The following SPTBN4 variants were observed in gnomAD, a reference collection of about 807,000 sequenced individuals.
The protein encoded by SPTBN4 is spectrin beta chain, non-erythrocytic 4.
SPTBN4 carries 96 observed loss-of-function variants against 277.8 expected under a neutral mutation model. The observed-to-expected ratio is 0.35, with a 90% CI of 0.29 to 0.41. The LOEUF (loss-of-function observed/expected upper bound fraction) is 0.41. Among genes scored for constraint, SPTBN4 ranks in the 10% least tolerant of loss-of-function variants. The pLI, the probability that SPTBN4 is intolerant of heterozygous loss-of-function variation, is 1.00. For synonymous variants in SPTBN4, 1,481 were observed against 1,580.3 expected (o/e 0.94, Z 1.49); for missense variants, 3,006 against 3,595.7 (o/e 0.84, Z 4.19).
Position 40,565,443 on chromosome 19 carries a change from T to C in SPTBN4, c.5936T>C (p.Val1979Ala), listed in dbSNP as rs1267542048. Reference protein sequence around the residue: ...DKPRDVSSVEVLMNYHQGLKT... With the variant: ...DKPRDVSSVEALMNYHQGLKT... ...TGCAGGGACGTGTCATCAGTGGAGGTGCTCATGAACTACCACCAGGGCCTG... is the reference window on the plus strand; with the variant it reads ...TGCAGGGACGTGTCATCAGTGGAGGCGCTCATGAACTACCACCAGGGCCTG... Residue 1979 changes from valine to alanine, a missense_variant, in exon 28 of 36, where the codon GTG (valine) becomes GCG (alanine). Coordinates refer to ENST00000598249, the MANE Select transcript of SPTBN4 (RefSeq NM_020971.3). 1 of 1,613,542 alleles carries C rather than the reference T, an allele frequency of 6.2e-7. No individual in the cohort carries two copies. Among genetic ancestry groups the C allele is most frequent in the Non-Finnish European group, 8.5e-7 (1 of 1,179,820 alleles).
At chr19:40,521,553 A>G (rs1407437864) in intron 16 of SPTBN4, among the ~76,000 whole-genome samples, 1 of 152,120 alleles carries the variant, frequency 6.6e-6, no homozygotes, top group Non-Finnish European at 1.5e-5. Context: ...TGCGCAGTTC[A>G]CAATAGGGTT....
intron 1 of SPTBN4, among the ~76,000 whole-genome samples, chr19:40,470,605 C>T (rs541025252): frequency 4.6e-5 from 7 of 151,450 alleles, no homozygotes; most frequent in African/African-American, 1.7e-4. Context: ...CTGTGCCTGC[C>T]CCCTCCACTT....
chr19:40,535,155 A>C lies in SPTBN4; in HGVS notation c.4359+812A>C, dbSNP rs186419616. On this transcript the variant is annotated intron_variant, in intron 20 of 35. Transcript: ENST00000598249. ...ATTGCAGCCTCAAACTCTTGGGCTCAAGTGATTCTCCCACTTCAGCCTTCC... is the reference window on the plus strand; with the variant it reads ...ATTGCAGCCTCAAACTCTTGGGCTCCAGTGATTCTCCCACTTCAGCCTTCC... Among the ~76,000 whole-genome samples the C allele has an allele frequency of 1.5e-3, 235 of 152,312 alleles. 2 individuals are homozygous for C. The highest frequency in any genetic ancestry group is 0.014 in the Middle Eastern group (4 of 294).
Position 40,503,830 on chromosome 19 carries a change from G to A in SPTBN4, c.1363G>A (p.Asp455Asn). The change falls in exon 12 of 36, where the codon GAC becomes AAC. Residue 455 changes from aspartate (D) to asparagine (N), a missense_variant and splice_region_variant. This residue lies in a region of SPTBN4 where 1,759 missense variants were observed against 2,061.5 expected (regional missense o/e 0.85). Coordinates refer to ENST00000598249, the MANE Select transcript of SPTBN4 (RefSeq NM_020971.3). ...GTGAGTGTCTGGCTCACTGCCCCAG[G>A]ACAACTTTGGGTATGAGCTGCCCGC... ...LNENQRLVSQ[D>N]NFGYELPAVE... 1.3e-6 allele frequency: 2 copies of A among 1,577,296 alleles called. No individual in the cohort carries two copies. Among genetic ancestry groups the A allele is most frequent in the Non-Finnish European group, 1.7e-6 (2 of 1,157,742 alleles).
rs75127251 is a variant in SPTBN4, at chr19:40,552,741, G to A, written c.4675-1406G>A. ...TGCTGAGATTTTGTTTTCCTGTCTT[G>A]ATGAAAATACTCTTGGCTGTCAACA... On this transcript the variant is annotated intron_variant, in intron 22 of 35. Transcript: ENST00000598249. Among the ~76,000 whole-genome samples the A allele has an allele frequency of 6.5e-3, 983 of 152,238 alleles. 12 individuals carry two copies. Among genetic ancestry groups the A allele is most frequent in the African/African-American group, 0.022 (926 of 41,538 alleles).
Position 40,560,889 on chromosome 19 carries a change from G to A in SPTBN4, c.5915+486G>A, listed in dbSNP as rs187979726. On this transcript the variant is annotated intron_variant, in intron 27 of 35. Coordinates refer to ENST00000598249, the MANE Select transcript of SPTBN4 (RefSeq NM_020971.3). The surrounding 1 kb of genome is among the most constrained non-coding windows in gnomAD (Gnocchi z 5.2). ...CATGCCACCCTGGGAGTCACATGCT[G>A]GACCCTCTGCATCCCGCTGCAGATG... The A allele has an allele frequency of 7.0e-4, 201 of 287,632 alleles. 4 individuals carry two copies. The East Asian group carries it at 0.022, about 31-fold the overall frequency. 17.8% of individuals were successfully genotyped at this position (287,632 alleles called of 1,614,324 possible).
chr19:40,543,054 T>C (rs1040575198), intron 20 of SPTBN4, among the ~76,000 whole-genome samples: 2 of 152,146 alleles, frequency 1.3e-5, no homozygotes, highest in African/African-American at 4.8e-5. Flanking sequence ...GAGTCCCTGA[T>C]GTTGGCAGGA....
intron 7 of SPTBN4, among the ~76,000 whole-genome samples, chr19:40,500,144 G>A (rs542517728): frequency 1.4e-5 from 2 of 147,622 alleles, no homozygotes; most frequent in African/African-American, 2.5e-5. Context: ...AGGAGTTCGA[G>A]GCTGCAGTGA....
Position 40,513,075 on chromosome 19 carries a change from G to T in SPTBN4, c.2286G>T (p.Ala762=), listed in dbSNP as rs1406401928. 1 of 1,412,396 alleles carries T rather than the reference G, an allele frequency of 7.1e-7. No homozygotes were observed. Among genetic ancestry groups the T allele is most frequent in the Admixed American group, 3.2e-5 (1 of 31,032 alleles). The allele number at this position is 1,412,396 out of a possible 1,614,324, so 87.5% of individuals were successfully genotyped here. A position where few individuals can be genotyped will look rare whatever the true frequency, so the allele number is the denominator to read the frequency against. The change falls in exon 14 of 36, where the codon GCG becomes GCT. Residue 762 remains alanine, a synonymous_variant. Transcript: ENST00000598249. ...GCTGGCAGAGGCTGGAAGAGGCGGC[G>T]GCGCGGCGAGAGCGGCGGCTGCAGG... ...RRRWQRLEEA[A]ARRERRLQEA... is the part of the protein sequence containing the mutation.
intron 27 of SPTBN4, among the ~76,000 whole-genome samples, chr19:40,563,454 A>G (rs1174848045): frequency 6.6e-6 from 1 of 152,140 alleles, no homozygotes; most frequent in Admixed American, 6.5e-5. Flanking sequence ...CGAGCCACAT[A>G]TATACTTTAA....
At chr19:40,544,127 C>CTTTTTTTTTT (rs10618096) in intron 20 of SPTBN4, among the ~76,000 whole-genome samples, 137 of 128,780 alleles carry the variant, frequency 1.1e-3, no homozygotes, top group East Asian at 2.2e-3. Flanking sequence ...TCTTCTTCCT[C>CTTTTTTTTTT]TTTTTTTTTT....
At chr19:40,471,611 T>C (rs1465795715) in intron 1 of SPTBN4, among the ~76,000 whole-genome samples, 1 of 152,184 alleles carries the variant, frequency 6.6e-6, no homozygotes, top group African/African-American at 2.4e-5. Context: ...ATCGCCATAT[T>C]GCCCAGTTTG....
rs769816122 is a variant in SPTBN4 at position 40,572,073 on chromosome 19, G to C, written c.7374G>C (p.Lys2458Asn). ...GTAAGGGGGAACTGGGCTTCTACAA[G>C]GACTCCAAGGGCCCGGCATCCGGGA... is the stretch of plus-strand genomic sequence containing the variant. ...VLSKGELGFY[K>N]DSKGPASGST... Residue 2458 changes from lysine (K) to asparagine (N), a missense_variant, in exon 34 of 36, where the codon AAG becomes AAC. By Grantham distance (94) the Lys-to-Asn change is moderately conservative. Transcript: ENST00000598249. 6.2e-7 allele frequency: 1 copy of C among 1,611,160 alleles called. No individual in the cohort carries two copies. The highest frequency in any genetic ancestry group is 1.1e-5 in the South Asian group (1 of 90,716).
intron 16 of SPTBN4, among the ~76,000 whole-genome samples, chr19:40,522,070 G>A (rs993681115): frequency 2.6e-5 from 4 of 151,978 alleles, no homozygotes; most frequent in Non-Finnish European, 5.9e-5. Flanking sequence ...TCTGTCACCC[G>A]GGCCAGAGTA....
At chr19:40,556,997 C>A (rs748913147) in intron 25 of SPTBN4, 26 bp from the exon 26 acceptor site, 5 of 353,100 alleles carry the variant, frequency 1.4e-5, no homozygotes, top group Non-Finnish European at 1.4e-5. Context: ...CTTTGCTGTA[C>A]CCCCCCCCCC....
intron 24 of SPTBN4, among the ~76,000 whole-genome samples, chr19:40,555,577 G>A (rs814504): frequency 0.45 from 67,729 of 150,902 alleles, 16,085 homozygotes; most frequent in African/African-American, 0.52. Flanking sequence ...TTAGGGAAGC[G>A]GAGCTTTCCC....
At chr19:40,507,669 C>T (rs1355547588) in intron 13 of SPTBN4, among the ~76,000 whole-genome samples, 2 of 152,206 alleles carry the variant, frequency 1.3e-5, no homozygotes, top group East Asian at 1.9e-4. Flanking sequence ...TCCGTCTCTT[C>T]TAAAAATACA....
In SPTBN4 at chr19:40,570,558, G is replaced by C; in HGVS notation, c.7149G>C (p.Arg2383=). The part of the protein sequence containing the change: ...RARDRPKPRR[R]PRPREGGEGG... ...GGGACCGGCCCAAGCCGCGACGGCG[G>C]CCGCGGCCCAGAGAGGGTGGTGAGG... Residue 2383 remains arginine, a synonymous_variant, in exon 33 of 36, where the codon CGG becomes CGC. Transcript: ENST00000598249. 1.5e-6 allele frequency: 2 copies of C among 1,354,872 alleles called. No homozygotes were observed. The highest frequency in any genetic ancestry group is 1.9e-6 in the Non-Finnish European group (2 of 1,056,944). 83.9% of individuals were successfully genotyped at this position (1,354,872 alleles called of 1,614,324 possible).
rs766641660 is a variant in SPTBN4, at chr19:40,550,317, A to G, written c.4664A>G (p.Lys1555Arg). The G allele has an allele frequency of 1.2e-5, 20 of 1,608,942 alleles. No individual in the cohort carries two copies. The highest frequency in any genetic ancestry group is 2.2e-5 in the South Asian group (2 of 91,092). The change falls in exon 22 of 36, where the codon AAA becomes AGA. Residue 1555 changes from lysine (K) to arginine (R), a missense_variant. By Grantham distance (26) the Lys-to-Arg change is conservative. Transcript: ENST00000598249. Reference sequence around the variant, plus strand: ...TTGCAGGCGGTCCAGCAGCACATCAAAAAGAACCAGGTGAGCAGAGCCAGG... The same window carrying G: ...TTGCAGGCGGTCCAGCAGCACATCAGAAAGAACCAGGTGAGCAGAGCCAGG... ...NGLQAVQQHI[K>R]KNQGLRREIQ...
Sources: allele counts gnomAD v4.1 joint callset (sites outside exome capture counted in the v4.1 genomes callset), GRCh38; gene constraint gnomAD v4.1.1; regional missense constraint gnomAD v4.1.1; non-coding constraint Gnocchi (gnomAD v3.1); transcripts MANE v1.5; gene names NCBI Gene and HGNC (gene_info 2026-07-23, HGNC 2026-07-21).